OPN3: variants seen among roughly 807,000 people sequenced by gnomAD.
OPN3 encodes opsin 3.
Under a neutral mutation model 33.8 loss-of-function variants are expected in OPN3, and 29 were observed. The ratio of observed to expected loss-of-function variants is 0.86; its 90% confidence interval spans 0.64 to 1.17. OPN3 has a LOEUF of 1.17. Among genes scored for constraint, OPN3 ranks in the 50% most tolerant of loss-of-function variants. The pLI is 0.00. For missense variants in OPN3, 437 were observed against 514.1 expected (o/e 0.85, Z 1.45); for synonymous variants, 216 against 216.1 (o/e 1.00, Z 0.00).
chr1:241,619,835 GCAGA>G (rs1664229722), intron 1 of OPN3, among the ~76,000 whole-genome samples: 1 of 152,226 alleles, frequency 6.6e-6, no homozygotes, highest in Admixed American at 6.5e-5. Flanking sequence ...CAGCCTAACA[GCAGA>G]CAGTCACCAG....
In OPN3 at chr1:241,635,691, C is replaced by T. The variant is rs779973099; in HGVS notation, c.373+4191G>A. The stretch of plus-strand genomic sequence containing the variant: ...ACCCTCTGACCACTTCTTGAACATG[C>T]AGCTGCAAGGATGGATTCGGGCAAA... On this transcript the variant is annotated intron_variant, in intron 1 of 3. Transcript: ENST00000366554. 5.0e-6 allele frequency: 8 copies of T among 1,613,878 alleles called. No individual in the cohort carries two copies. The African/African-American group carries it at 6.7e-5, about 13-fold the overall frequency.
chr1:241,598,414 A>G (rs1336760143), intron 2 of OPN3, among the ~76,000 whole-genome samples: 1 of 152,218 alleles, frequency 6.6e-6, no homozygotes, highest in East Asian at 1.9e-4. Flanking sequence ...ATCAGACTGC[A>G]CACCCATGTC....
At chr1:241,636,018 T>C in intron 1 of OPN3, 5 of 486,006 alleles carry the variant, frequency 1.0e-5, no homozygotes, top group Non-Finnish European at 1.4e-5. Context: ...CTGCATTTCA[T>C]CTTAGCAGTA....
intron 2 of OPN3, among the ~76,000 whole-genome samples, chr1:241,599,642 G>C (rs1663628000): frequency 6.6e-6 from 1 of 152,068 alleles, no homozygotes; most frequent in African/African-American, 2.4e-5. Context: ...TTTTGGGGGA[G>C]CTTCCCTAGT....
At chr1:241,601,065 G>A (rs1181875380) in intron 2 of OPN3, 2 of 152,124 alleles carry the variant, frequency 1.3e-5, no homozygotes, top group Non-Finnish European at 2.9e-5. Context: ...GAATGTTCCA[G>A]AGAAAGAAAG....
At position 241,640,234 on chromosome 1, in the gene OPN3, G is replaced by A; in HGVS notation, c.21C>T (p.Ser7=). 2.3e-6 allele frequency: 3 copies of A among 1,315,892 alleles called. No individual in the cohort carries two copies. Among genetic ancestry groups the A allele is most frequent in the Admixed American group, 8.4e-5 (2 of 23,838 alleles). The allele number at this position is 1,315,892 out of a possible 1,614,324, so 81.5% of individuals were successfully genotyped here. MYSGNR[S]GGHGYWDGGG... ...CGCCGTCCCAGTAGCCGTGGCCGCC[G>A]CTGCGGTTCCCCGAGTACATGGCCC... Residue 7 remains serine, a synonymous_variant, in exon 1 of 4, where the codon AGC becomes AGT. Coordinates refer to ENST00000366554, the MANE Select transcript of OPN3 (RefSeq NM_014322.3).
At position 241,612,181 on chromosome 1, in the gene OPN3, CT is replaced by C. The variant is rs536711488; in HGVS notation, c.374-7603del. 5.3e-5 allele frequency among the ~76,000 whole-genome samples: 8 copies of C among 152,284 alleles called. No individual in the cohort carries two copies. In the East Asian group the frequency reaches 1.5e-3, roughly 29 times the overall value. On this transcript the variant is annotated intron_variant, in intron 1 of 3. Coordinates refer to ENST00000366554, the MANE Select transcript of OPN3 (RefSeq NM_014322.3). ...TTCTCTGGATCATTTTGAACAATAT[CT>C]GGATGGACTGTGTTTCAAATTCTCT...
In OPN3 at chr1:241,593,648, T is replaced by G. The variant is rs1663399166; in HGVS notation, c.*780A>C. On this transcript the variant is annotated 3_prime_UTR_variant, in exon 4 of 4. Transcript: ENST00000366554. The stretch of plus-strand genomic sequence containing the variant: ...TAAATTTATTAGCGGGTATATGTAA[T>G]ATATATGTGGGAAATACAGGGGAAT... The G allele has an allele frequency of 5.2e-6, 1 of 193,682 alleles. No homozygotes were observed. The highest frequency in any genetic ancestry group is 2.3e-5 in the African/African-American group (1 of 43,556). The allele number at this position is 193,682 out of a possible 1,614,324, so 12.0% of individuals were successfully genotyped here. A position where few individuals can be genotyped will look rare whatever the true frequency, so the allele number is the denominator to read the frequency against.
intron 1 of OPN3, among the ~76,000 whole-genome samples, chr1:241,608,829 C>T (rs764795904): frequency 6.6e-6 from 1 of 152,168 alleles, no homozygotes. Flanking sequence ...TTCCCAAGTC[C>T]TCCCTGATAG....
intron 1 of OPN3, chr1:241,635,412 G>C (rs1339076779): frequency 5.0e-6 from 8 of 1,613,876 alleles, no homozygotes; most frequent in African/African-American, 1.3e-5. Context: ...TTTTTCTGCA[G>C]AGCACCAATC....
chr1:241,631,869 G>A (rs909222341), intron 1 of OPN3: 7 of 152,068 alleles, frequency 4.6e-5, no homozygotes, highest in Admixed American at 2.0e-4. Flanking sequence ...CTCCTGCAGC[G>A]CCTACACTCT....
chr1:241,634,339 A>T, intron 1 of OPN3: 1 of 1,614,010 alleles, frequency 6.2e-7, no homozygotes. Flanking sequence ...GAACTATCAG[A>T]ATGGAAGTCT....
chr1:241,604,153 C>G, intron 2 of OPN3, 107 bp downstream of exon 2: 1 of 1,000,708 alleles, frequency 1.0e-6, no homozygotes, highest in Non-Finnish European at 1.5e-6. Flanking sequence ...AACTGCTCTA[C>G]CTCTGGGCAA....
intron 1 of OPN3, among the ~76,000 whole-genome samples, chr1:241,614,864 G>T (rs1664084296): frequency 7.8e-6 from 1 of 128,778 alleles, no homozygotes; most frequent in African/African-American, 3.0e-5. Context: ...TAGACTTTTT[G>T]ACTTGCCTCT....
At chr1:241,603,876 A>ATC (rs1663746935) in intron 2 of OPN3, among the ~76,000 whole-genome samples, 1 of 152,198 alleles carries the variant, frequency 6.6e-6, no homozygotes, top group Non-Finnish European at 1.5e-5. Flanking sequence ...CGCCAAACAA[A>ATC]ACATCTGTGC....
intron 1 of OPN3, chr1:241,635,621 C>G (rs1257508110): frequency 6.2e-7 from 1 of 1,614,018 alleles, no homozygotes; most frequent in African/African-American, 1.3e-5. Context: ...AAAGCTGAAA[C>G]TAGCCCAGTT....
chr1:241,594,293 G>T lies in OPN3; in HGVS notation c.*135C>A. Reference sequence around the variant, plus strand: ...CTTCCTGAGGCCCAAGAGCATATGGGCAATTCGGATTTCCTGCTGGACCAC... The same window carrying T: ...CTTCCTGAGGCCCAAGAGCATATGGTCAATTCGGATTTCCTGCTGGACCAC... On this transcript the variant is annotated 3_prime_UTR_variant, in exon 4 of 4. Transcript: ENST00000366554. The T allele has an allele frequency of 1.0e-6, 1 of 954,906 alleles. No individual in the cohort carries two copies. Among genetic ancestry groups the T allele is most frequent in the Non-Finnish European group, 1.6e-6 (1 of 640,532 alleles). The allele number at this position is 954,906 out of a possible 1,614,324, so 59.2% of individuals were successfully genotyped here. A position where few individuals can be genotyped will look rare whatever the true frequency, so the allele number is the denominator to read the frequency against.
chr1:241,627,781 A>C (rs181759780), intron 1 of OPN3, among the ~76,000 whole-genome samples: 43 of 152,306 alleles, frequency 2.8e-4, no homozygotes, highest in African/African-American at 1.0e-3. Flanking sequence ...TAAAATAAAA[A>C]TCTGAAAATT....
intron 1 of OPN3, chr1:241,634,752 CA>C (rs1558447756): frequency 6.2e-7 from 1 of 1,613,928 alleles, no homozygotes; most frequent in Admixed American, 1.7e-5. Flanking sequence ...GAGTGCAGTA[CA>C]AAATGTTGAA....
Sources: allele counts gnomAD v4.1 joint callset (sites outside exome capture counted in the v4.1 genomes callset), GRCh38; gene constraint gnomAD v4.1.1; transcripts MANE v1.5; gene names NCBI Gene and HGNC (gene_info 2026-07-23, HGNC 2026-07-21).